SV2C: variants seen among roughly 807,000 people sequenced by gnomAD.
The protein encoded by SV2C is solute carrier family 22 member B3.
A neutral mutation model predicts 79.7 loss-of-function variants in SV2C; 49 were observed. The observed-to-expected ratio is 0.61, with a 90% CI of 0.49 to 0.78. The LOEUF (loss-of-function observed/expected upper bound fraction) is 0.78, where lower values mean the gene tolerates loss of function less well. SV2C is among the 30% of genes least tolerant of loss of function. The pLI is 0.00. For synonymous variants in SV2C, 334 were observed against 333.2 expected, an observed-to-expected ratio of 1.00 and a Z score of -0.03; for missense variants, 833 against 912.9, an observed-to-expected ratio of 0.91 and a Z score of 1.13.
At chr5:76,093,023 A>G (rs184320243) in intron 1 of SV2C, among the ~76,000 whole-genome samples, 1 of 152,210 alleles carries the variant, frequency 6.6e-6, no homozygotes, top group Admixed American at 6.5e-5. Flanking sequence ...CACTGGACAC[A>G]TAGGGGCTGG....
At chr5:76,301,287 T>C in intron 11 of SV2C, 99 bp from the exon 12 acceptor site, 1 of 1,501,088 alleles carries the variant, frequency 6.7e-7, no homozygotes, top group Non-Finnish European at 9.0e-7. Context: ...CAGCTTCCAC[T>C]TAGAATTCAG....
the SV2C span, among the ~76,000 whole-genome samples, chr5:76,026,067 A>C: frequency 1.3e-5 from 2 of 152,136 alleles, no homozygotes; most frequent in Non-Finnish European, 2.9e-5. Context: ...CACAAATGAC[A>C]ATCAGGTAAG....
chr5:75,877,124 C>T, the SV2C span, among the ~76,000 whole-genome samples: 4 of 151,764 alleles, frequency 2.6e-5, no homozygotes, highest in African/African-American at 9.7e-5. Context: ...AAAAAGCAAC[C>T]ACAAGAAAGC....
chr5:76,218,725 C>A (rs909803024), intron 4 of SV2C, among the ~76,000 whole-genome samples: 1 of 54,174 alleles, frequency 1.8e-5, no homozygotes, highest in East Asian at 5.4e-4. Flanking sequence ...TATAACAAAC[C>A]TGTACATTCC....
At chr5:75,930,312 A>G in the SV2C span, among the ~76,000 whole-genome samples, 6 of 152,332 alleles carry the variant, frequency 3.9e-5, no homozygotes, top group South Asian at 1.0e-3. Context: ...GCTTCCTCAT[A>G]TTATTCTGGA....
At chr5:76,151,851 C>A (rs1749616410) in intron 2 of SV2C, among the ~76,000 whole-genome samples, 1 of 152,114 alleles carries the variant, frequency 6.6e-6, no homozygotes. Flanking sequence ...AGATGCCAGC[C>A]AAGCTGCTAA....
intron 12 of SV2C, among the ~76,000 whole-genome samples, chr5:76,348,773 G>A (rs1338170316): frequency 6.6e-6 from 1 of 152,194 alleles, no homozygotes; most frequent in Non-Finnish European, 1.5e-5. Flanking sequence ...GGCCGAGGCA[G>A]GTAGATCACA....
intron 2 of SV2C, among the ~76,000 whole-genome samples, chr5:76,152,011 G>T (rs1407563536): frequency 6.6e-6 from 1 of 152,210 alleles, no homozygotes; most frequent in Non-Finnish European, 1.5e-5. Flanking sequence ...TGATGCCTTA[G>T]GGGGTGAGAG....
At chr5:76,232,754 T>C (rs750747263) in intron 4 of SV2C, among the ~76,000 whole-genome samples, 2 of 141,634 alleles carry the variant, frequency 1.4e-5, no homozygotes, top group African/African-American at 3.0e-5. Context: ...GTTGTAGATA[T>C]GCGGCATTAT....
At chr5:75,857,226 G>A in the SV2C span, among the ~76,000 whole-genome samples, 1 of 152,000 alleles carries the variant, frequency 6.6e-6, no homozygotes, top group African/African-American at 2.4e-5. Context: ...CAAAGTGCTG[G>A]GATTACAGGT....
chr5:75,969,624 T>C, the SV2C span, among the ~76,000 whole-genome samples: 2 of 152,182 alleles, frequency 1.3e-5, no homozygotes, highest in Non-Finnish European at 2.9e-5. Context: ...AAGAACTAAC[T>C]ATCCTAAATA....
At chr5:76,220,752 G>C (rs542066760) in intron 4 of SV2C, among the ~76,000 whole-genome samples, 2 of 152,114 alleles carry the variant, frequency 1.3e-5, no homozygotes, top group African/African-American at 4.8e-5. Context: ...TGGTGTAGTA[G>C]CTCAGCGGTC....
chr5:75,934,759 T>C, the SV2C span, among the ~76,000 whole-genome samples: 2 of 152,260 alleles, frequency 1.3e-5, no homozygotes, highest in Middle Eastern at 3.4e-3. Context: ...TGTGTGGGGG[T>C]ACATGATCAC....
chr5:76,073,590 C>A, the SV2C span, among the ~76,000 whole-genome samples: 2 of 141,034 alleles, frequency 1.4e-5, no homozygotes, highest in South Asian at 2.3e-4. Flanking sequence ...GAAATAATGT[C>A]ATTCACAGCA....
the SV2C span, chr5:75,921,455 C>T: frequency 1.3e-6 from 1 of 799,784 alleles, no homozygotes; most frequent in Non-Finnish European, 2.3e-6. Flanking sequence ...TCTTGCCATC[C>T]TTGCCCATAA....
chr5:75,957,527 A>G, the SV2C span, among the ~76,000 whole-genome samples: 1 of 152,024 alleles, frequency 6.6e-6, no homozygotes, highest in Non-Finnish European at 1.5e-5. Flanking sequence ...AATGGATAGC[A>G]GTAGCACTAT....
At chr5:76,025,490 A>C in the SV2C span, among the ~76,000 whole-genome samples, 1 of 152,228 alleles carries the variant, frequency 6.6e-6, no homozygotes, top group Admixed American at 6.5e-5. Flanking sequence ...ATCATATTAC[A>C]GTGGAAATCA....
the SV2C span, among the ~76,000 whole-genome samples, chr5:75,944,617 C>T: frequency 2.6e-3 from 396 of 152,188 alleles, 5 homozygotes; most frequent in East Asian, 0.019. Context: ...AGAAGGGTTT[C>T]ATGGATTTTT....
At position 76,156,283 on chromosome 5, in the gene SV2C, A is replaced by AT. The variant is rs529992997; in HGVS notation, c.580+23953_580+23954insT. On this transcript the variant is annotated intron_variant, in intron 2 of 12. Coordinates refer to ENST00000502798, the MANE Select transcript of SV2C (RefSeq NM_014979.4). Reference sequence around the variant, plus strand: ...CAAAGCCCTATTAGGGTAGCTGTGGACATACCCAAGGCTACATCCCCTGAG... The same window carrying AT: ...CAAAGCCCTATTAGGGTAGCTGTGGATCATACCCAAGGCTACATCCCCTGAG... Among the ~76,000 whole-genome samples, 72 of 152,292 alleles carry AT rather than the reference A, an allele frequency of 4.7e-4. 1 individual carries two copies. In the East Asian group the frequency reaches 6.9e-3, roughly 15 times the overall value.
Sources: allele counts gnomAD v4.1 joint callset (sites outside exome capture counted in the v4.1 genomes callset), GRCh38; gene constraint gnomAD v4.1.1; transcripts MANE v1.5; gene names NCBI Gene and HGNC (gene_info 2026-07-23, HGNC 2026-07-21).